The following TBCE variants were observed in gnomAD, a reference collection of about 807,000 sequenced individuals.
The protein encoded by TBCE is tubulin-specific chaperone E.
A neutral mutation model predicts 77.0 loss-of-function variants in TBCE; 53 were observed. That is an observed-to-expected ratio of 0.69 (90% confidence interval 0.55 to 0.87). The LOEUF (loss-of-function observed/expected upper bound fraction) is 0.87. TBCE is among the 40% of genes least tolerant of loss of function. The probability of loss-of-function intolerance (pLI) is 0.00; values close to 1 mark genes in which losing one functional copy is unlikely to be tolerated. For missense variants in TBCE, 624 were observed against 622.4 expected (o/e 1.00, Z -0.03); for synonymous variants, 235 against 241.3 (o/e 0.97, Z 0.24).
At chr1:235,437,535 G>T in intron 12 of TBCE, 61 bp downstream of exon 12, 1 of 1,591,532 alleles carries the variant, frequency 6.3e-7, no homozygotes. Flanking sequence ...TTTTAGGCCA[G>T]GCGCCGTGGC....
rs1682859751 is a variant in TBCE at position 235,450,934 on chromosome 1, C to A, written c.*2172C>A. On this transcript the variant is annotated 3_prime_UTR_variant, in exon 17 of 17. Coordinates refer to ENST00000642610, the MANE Select transcript of TBCE (RefSeq NM_003193.5). ...TACGTGAATTGGTTTCTATTTCCAG[C>A]AATGTAGCAGAACACAGAGAGAAAC... 6.6e-6 allele frequency: 1 copy of A among 152,280 alleles called. No individual in the cohort carries two copies. The highest frequency in any genetic ancestry group is 1.5e-5 in the Non-Finnish European group (1 of 68,160). The allele number at this position is 152,280 out of a possible 1,614,324, so 9.4% of individuals were successfully genotyped here. A position where few individuals can be genotyped will look rare whatever the true frequency, so the allele number is the denominator to read the frequency against.
intron 2 of TBCE, among the ~76,000 whole-genome samples, chr1:235,394,768 A>G (rs1399119231): frequency 6.6e-6 from 1 of 152,068 alleles, no homozygotes; most frequent in African/African-American, 2.4e-5. Flanking sequence ...GGTGGAGTGC[A>G]GTGGCATGAT....
rs986346309 is a variant in TBCE, at chr1:235,450,927, T to C, written c.*2165T>C. ...TCCTAGCTACGTGAATTGGTTTCTA[T>C]TTCCAGCAATGTAGCAGAACACAGA... On this transcript the variant is annotated 3_prime_UTR_variant, in exon 17 of 17. Transcript: ENST00000642610. The C allele has an allele frequency of 2.6e-5, 4 of 152,366 alleles. No individual in the cohort carries two copies. Among genetic ancestry groups the C allele is most frequent in the African/African-American group, 9.6e-5 (4 of 41,460 alleles). 9.4% of individuals were successfully genotyped at this position (152,366 alleles called of 1,614,324 possible). A position where few individuals can be genotyped will look rare whatever the true frequency, so the allele number is the denominator to read the frequency against.
At chr1:235,410,308 ACTG>A (rs1679710293) in intron 3 of TBCE, among the ~76,000 whole-genome samples, 1 of 152,236 alleles carries the variant, frequency 6.6e-6, no homozygotes, top group Non-Finnish European at 1.5e-5. Flanking sequence ...AGTCCCGAGG[ACTG>A]CTGGGTGCCC....
At chr1:235,390,758 CAAAAAAA>C (rs35639285) in intron 2 of TBCE, among the ~76,000 whole-genome samples, 1 of 71,420 alleles carries the variant, frequency 1.4e-5, no homozygotes, top group South Asian at 5.5e-4. Context: ...CGAAACGTCT[CAAAAAAA>C]AAAAAAAAAA....
chr1:235,371,182 C>T (rs554031690), intron 1 of TBCE, among the ~76,000 whole-genome samples: 15 of 148,768 alleles, frequency 1.0e-4, no homozygotes, highest in Admixed American at 4.8e-4. Context: ...TCAGCCTCCT[C>T]AGTAGCTGGG....
chr1:235,449,023 G>GATAAGATTTAAATATTA lies in TBCE; in HGVS notation c.*263_*279dup, dbSNP rs1682708145. 2.6e-6 allele frequency: 1 copy of GATAAGATTTAAATATTA among 378,606 alleles called. No individual in the cohort carries two copies. The highest frequency in any genetic ancestry group is 3.9e-5 in the Admixed American group (1 of 25,618). The allele number at this position is 378,606 out of a possible 1,614,324, so 23.5% of individuals were successfully genotyped here. A position where few individuals can be genotyped will look rare whatever the true frequency, so the allele number is the denominator to read the frequency against. ...TTTACAGCTCATCACTGCATTTCAT[G>GATAAGATTTAAATATTA]ATAAGATTTAAATATTAAATAGAAA... is the stretch of plus-strand genomic sequence containing the variant. On this transcript the variant is annotated 3_prime_UTR_variant, in exon 17 of 17. Transcript: ENST00000642610.
chr1:235,394,362 C>A (rs1357292782), intron 2 of TBCE, among the ~76,000 whole-genome samples: 1 of 151,086 alleles, frequency 6.6e-6, no homozygotes, highest in Non-Finnish European at 1.5e-5. Context: ...GCGTGAGCCA[C>A]CATGCCTGGC....
chr1:235,434,176 C>A, intron 7 of TBCE, 28 bp from the exon 8 acceptor site: 3 of 1,612,988 alleles, frequency 1.9e-6, no homozygotes, highest in Non-Finnish European at 2.5e-6. Flanking sequence ...CAGAGGCCGC[C>A]TGAGCCTGAA....
intron 7 of TBCE, among the ~76,000 whole-genome samples, chr1:235,432,074 C>G (rs1340496544): frequency 6.6e-6 from 1 of 152,078 alleles, no homozygotes; most frequent in South Asian, 2.1e-4. Flanking sequence ...ACCTCCGTCT[C>G]CTGGGTTCAA....
chr1:235,368,552 CTTTTT>C (rs757168655), intron 1 of TBCE, among the ~76,000 whole-genome samples: 7 of 49,770 alleles, frequency 1.4e-4, no homozygotes, highest in Non-Finnish European at 2.0e-4. Context: ...GGACAGCCTG[CTTTTT>C]TTTTTTTTTT....
intron 1 of TBCE, among the ~76,000 whole-genome samples, chr1:235,371,038 C>CTTTGTTT: frequency 4.3e-5 from 1 of 23,310 alleles, no homozygotes; most frequent in Non-Finnish European, 8.1e-5. Flanking sequence ...TCACGCCTGG[C>CTTTGTTT]TTTTTTTTTT....
At chr1:235,439,420 C>CG (rs1395845099) in intron 13 of TBCE, among the ~76,000 whole-genome samples, 1 of 149,732 alleles carries the variant, frequency 6.7e-6, no homozygotes, top group South Asian at 2.2e-4. Context: ...GGTGTGAACC[C>CG]GGGGGGCGGA....
chr1:235,372,796 T>C (rs370342350), intron 1 of TBCE, among the ~76,000 whole-genome samples: 21 of 151,640 alleles, frequency 1.4e-4, no homozygotes, highest in Non-Finnish European at 2.1e-4. Context: ...TGGTGGTGGG[T>C]GCCTGTAGTC....
Position 235,448,397 on chromosome 1 carries a change from A to G in TBCE, c.1448A>G (p.Lys483Arg). Reference protein sequence around the residue: ...KVKGLLSRLLKVPVSDLLLSY... With the variant: ...KVKGLLSRLLRVPVSDLLLSY... ...AAGGGATTGCTGTCACGTCTTCTCA[A>G]AGTTCCTGTGTCAGACCTTCTGTTG... Residue 483 changes from lysine (K) to arginine (R), a missense_variant, in exon 16 of 17, where the codon AAA (lysine) becomes AGA (arginine). Physicochemically the swap from Lys to Arg is conservative, Grantham distance 26 (BLOSUM62 2). Transcript: ENST00000642610. 1.2e-6 allele frequency: 2 copies of G among 1,614,170 alleles called. No individual in the cohort carries two copies. The highest frequency in any genetic ancestry group is 8.5e-7 in the Non-Finnish European group (1 of 1,180,030).
intron 1 of TBCE, among the ~76,000 whole-genome samples, chr1:235,370,796 C>CAATT (rs1311454064): frequency 6.9e-6 from 1 of 145,496 alleles, no homozygotes; most frequent in East Asian, 2.0e-4. Context: ...GGCTGGAGTG[C>CAATT]AATTGTGTGA....
intron 15 of TBCE, among the ~76,000 whole-genome samples, chr1:235,447,624 T>A (rs1484993904): frequency 2.0e-5 from 3 of 152,166 alleles, no homozygotes; most frequent in Admixed American, 2.0e-4. Context: ...TTGAGAGATG[T>A]CCTCAGGATA....
chr1:235,420,481 A>ATTTT (rs36062739), intron 5 of TBCE, among the ~76,000 whole-genome samples: 4 of 107,102 alleles, frequency 3.7e-5, no homozygotes, highest in East Asian at 2.6e-4. Flanking sequence ...TGTCTGGCTA[A>ATTTT]TTTTTTTTTT....
chr1:235,371,609 C>T (rs1231755723), intron 1 of TBCE, among the ~76,000 whole-genome samples: 5 of 152,070 alleles, frequency 3.3e-5, no homozygotes, highest in African/African-American at 1.2e-4. Flanking sequence ...CTCCCAACCT[C>T]AGTTGATCCA....
Sources: allele counts gnomAD v4.1 joint callset (sites outside exome capture counted in the v4.1 genomes callset), GRCh38; gene constraint gnomAD v4.1.1; transcripts MANE v1.5; gene names NCBI Gene and HGNC (gene_info 2026-07-23, HGNC 2026-07-21).